Variants in GLIS3 observed in about 807,000 individuals in gnomAD.
The protein encoded by GLIS3 is zinc finger protein GLIS3.
GLIS3 carries 53 observed loss-of-function variants against 78.6 expected under a neutral mutation model. That is an observed-to-expected ratio of 0.67 (90% CI 0.54 to 0.85). GLIS3 has a LOEUF of 0.85. Among genes scored for constraint, GLIS3 ranks in the 40% least tolerant of loss-of-function variants. GLIS3 has a pLI of 0.00. For synonymous variants in GLIS3, 684 were observed against 509.9 expected, an observed-to-expected ratio of 1.34 and a Z score of -4.60; for missense variants, 1,703 against 1,231.1, an observed-to-expected ratio of 1.38 and a Z score of -5.74.
intron 2 of GLIS3, among the ~76,000 whole-genome samples, chr9:4,201,335 CCAATCAGA>C (rs2131264217): frequency 6.6e-6 from 1 of 152,130 alleles, no homozygotes; most frequent in African/African-American, 2.4e-5. Context: ...CCTTACCAAA[CCAATCAGA>C]CAAGAGAAAG....
At chr9:4,194,412 T>G in intron 2 of GLIS3, among the ~76,000 whole-genome samples, 1 of 152,178 alleles carries the variant, frequency 6.6e-6, no homozygotes, top group Non-Finnish European at 1.5e-5. Context: ...AATTAGAATG[T>G]TGAAACTAGT....
chr9:4,100,106 C>T (rs1830253316), intron 4 of GLIS3, among the ~76,000 whole-genome samples: 1 of 152,208 alleles, frequency 6.6e-6, no homozygotes, highest in Non-Finnish European at 1.5e-5. Flanking sequence ...AATAAAAGGT[C>T]ATGGTATTCT....
At chr9:3,953,976 G>C (rs1042023495) in intron 4 of GLIS3, among the ~76,000 whole-genome samples, 1 of 151,818 alleles carries the variant, frequency 6.6e-6, no homozygotes, top group Admixed American at 6.6e-5. Flanking sequence ...ACAATACCAC[G>C]TTTTTTTCCC....
At chr9:4,185,863 G>A (rs914978939) in intron 2 of GLIS3, among the ~76,000 whole-genome samples, 2 of 152,176 alleles carry the variant, frequency 1.3e-5, no homozygotes, top group African/African-American at 4.8e-5. Flanking sequence ...TGGAGGGCAA[G>A]GCAGCCCAGG....
At chr9:4,070,131 A>G (rs542445424) in intron 4 of GLIS3, among the ~76,000 whole-genome samples, 5 of 152,250 alleles carry the variant, frequency 3.3e-5, no homozygotes, top group Admixed American at 2.0e-4. Flanking sequence ...TTGGATCTTA[A>G]TTCTCACTAC....
At chr9:4,359,698 T>A in the GLIS3 span, among the ~76,000 whole-genome samples, 1 of 152,214 alleles carries the variant, frequency 6.6e-6, no homozygotes, top group Non-Finnish European at 1.5e-5. Context: ...ATTGCCTGCA[T>A]TGGCTCTTGG....
the GLIS3 span, among the ~76,000 whole-genome samples, chr9:4,379,699 G>C: frequency 1.3e-5 from 2 of 152,166 alleles, no homozygotes; most frequent in Non-Finnish European, 2.9e-5. Flanking sequence ...TCCATTTGCA[G>C]TCAGCACCAC....
chr9:4,360,986 T>C, the GLIS3 span, among the ~76,000 whole-genome samples: 1 of 152,248 alleles, frequency 6.6e-6, no homozygotes, highest in Non-Finnish European at 1.5e-5. Context: ...ATTGTCCCAA[T>C]GCCTTTGTCC....
At chr9:3,933,741 T>C (rs1441394047) in intron 5 of GLIS3, among the ~76,000 whole-genome samples, 2 of 152,218 alleles carry the variant, frequency 1.3e-5, no homozygotes, top group Non-Finnish European at 2.9e-5. Context: ...CTGATTCCTT[T>C]TTAATGTTGC....
chr9:3,955,729 G>T (rs1300795697), intron 4 of GLIS3, among the ~76,000 whole-genome samples: 1 of 152,092 alleles, frequency 6.6e-6, no homozygotes, highest in African/African-American at 2.4e-5. Context: ...GGATTCAAAA[G>T]CCATAGAGAA....
chr9:4,211,727 T>A (rs548465868), intron 2 of GLIS3, among the ~76,000 whole-genome samples: 2 of 152,346 alleles, frequency 1.3e-5, no homozygotes, highest in African/African-American at 4.8e-5. Flanking sequence ...TGAATGTTCA[T>A]AGCAGCACTG....
intron 4 of GLIS3, among the ~76,000 whole-genome samples, chr9:4,084,395 G>T (rs975935614): frequency 1.1e-4 from 17 of 152,070 alleles, no homozygotes; most frequent in African/African-American, 3.9e-4. Flanking sequence ...GCATGCGCAA[G>T]GAGAGGAAAA....
intron 2 of GLIS3, among the ~76,000 whole-genome samples, chr9:4,243,817 G>C (rs550681620): frequency 1.3e-5 from 2 of 152,188 alleles, no homozygotes; most frequent in African/African-American, 4.8e-5. Flanking sequence ...CTACCACAAT[G>C]ATTTACATTA....
At chr9:3,932,669 G>A in intron 5 of GLIS3, 199 bp from the exon 6 acceptor site, 1 of 539,040 alleles carries the variant, frequency 1.9e-6, no homozygotes. Context: ...AACTTTCAAG[G>A]AACAAAGAGA....
the GLIS3 span, among the ~76,000 whole-genome samples, chr9:4,399,772 C>A: frequency 1.3e-5 from 2 of 152,142 alleles, no homozygotes; most frequent in Admixed American, 1.3e-4. Context: ...GTGTGGGATG[C>A]TATGAGCAGC....
intron 4 of GLIS3, among the ~76,000 whole-genome samples, chr9:4,004,577 G>T (rs753439472): frequency 6.6e-6 from 1 of 152,124 alleles, no homozygotes; most frequent in African/African-American, 2.4e-5. Context: ...AAAAAGAAAA[G>T]GGCAATTTGG....
chr9:4,010,126 G>A (rs879546175), intron 4 of GLIS3, among the ~76,000 whole-genome samples: 48 of 152,082 alleles, frequency 3.2e-4, no homozygotes, highest in Admixed American at 1.8e-3. Context: ...GATCTCCCCC[G>A]GGGTGGGGTG....
the GLIS3 span, among the ~76,000 whole-genome samples, chr9:4,396,865 C>T: frequency 6.6e-5 from 10 of 152,056 alleles, no homozygotes; most frequent in Admixed American, 3.3e-4. Flanking sequence ...AGCCTGAGTA[C>T]GTCTGAGCAA....
chr9:4,330,283 C>G (rs943675897), intron 2 of GLIS3, among the ~76,000 whole-genome samples: 4 of 152,202 alleles, frequency 2.6e-5, no homozygotes, highest in African/African-American at 4.8e-5. Flanking sequence ...ATTCAAATCA[C>G]CTGGAAGGCC....
Sources: allele counts gnomAD v4.1 joint callset (sites outside exome capture counted in the v4.1 genomes callset), GRCh38; gene constraint gnomAD v4.1.1; transcripts MANE v1.5; gene names NCBI Gene and HGNC (gene_info 2026-07-23, HGNC 2026-07-21).